Variants in SLC14A2 observed in about 807,000 individuals in gnomAD.
SLC14A2 encodes the protein urea transporter 2.
A neutral mutation model predicts 104.6 loss-of-function variants in SLC14A2; 91 were observed. The observed-to-expected ratio is 0.87, with a 90% CI of 0.73 to 1.04. The LOEUF (loss-of-function observed/expected upper bound fraction) is 1.04. Ranked by LOEUF, SLC14A2 falls within the 50% of genes least tolerant of loss-of-function variation. The pLI, the probability that SLC14A2 is intolerant of heterozygous loss-of-function variation, is 0.00. For missense variants in SLC14A2, 1,189 were observed against 1,156.0 expected (o/e 1.03, Z -0.41); for synonymous variants, 476 against 466.4 (o/e 1.02, Z -0.27).
chr18:45,451,813 C>T (rs947657157), intron 1 of SLC14A2, among the ~76,000 whole-genome samples: 2 of 152,142 alleles, frequency 1.3e-5, no homozygotes, highest in Non-Finnish European at 2.9e-5. Flanking sequence ...TATGGTTCAG[C>T]AACAAACTAT....
chr18:45,486,823 A>G (rs899361622), intron 2 of SLC14A2, among the ~76,000 whole-genome samples: 2 of 152,216 alleles, frequency 1.3e-5, no homozygotes, highest in Admixed American at 1.3e-4. Flanking sequence ...TAAATGTTGC[A>G]AAGTAGGTAA....
rs530587394 is a variant in SLC14A2 at position 45,416,984 on chromosome 18, TGTG to T, written c.-124-66246_-124-66244del. On this transcript the variant is annotated intron_variant, in intron 1 of 20. Coordinates refer to the SLC14A2 transcript ENST00000586448. ...TATGGAGCACGTGTGTGTACACACA[TGTG>T]GTACTTGTGCACATCCACACAAATC... 2.4e-3 allele frequency among the ~76,000 whole-genome samples: 361 copies of T among 152,316 alleles called. 1 individual carries two copies. Among genetic ancestry groups the T allele is most frequent in the African/African-American group, 8.2e-3 (341 of 41,576 alleles).
chr18:45,597,390 C>A (rs934476929), intron 2 of SLC14A2, among the ~76,000 whole-genome samples: 1 of 152,062 alleles, frequency 6.6e-6, no homozygotes, highest in Non-Finnish European at 1.5e-5. Flanking sequence ...GTCTTTTATC[C>A]ACCCATTCAG....
intron 1 of SLC14A2, among the ~76,000 whole-genome samples, chr18:45,221,126 C>T (rs2084058006): frequency 6.6e-6 from 1 of 152,162 alleles, no homozygotes; most frequent in South Asian, 2.1e-4. Flanking sequence ...AAGATGAGGG[C>T]ACAGTTCAGC....
chr18:45,375,016 C>A (rs2085759388), intron 1 of SLC14A2, among the ~76,000 whole-genome samples: 1 of 152,184 alleles, frequency 6.6e-6, no homozygotes, highest in African/African-American at 2.4e-5. Flanking sequence ...TAAAACCGCC[C>A]TTGCAAAATT....
At chr18:45,563,605 CT>C (rs2144316588) in intron 2 of SLC14A2, among the ~76,000 whole-genome samples, 1 of 152,270 alleles carries the variant, frequency 6.6e-6, no homozygotes, top group South Asian at 2.1e-4. Flanking sequence ...CTCTGATCAT[CT>C]CTTTAAATGA....
chr18:45,354,800 A>C (rs575560843), intron 1 of SLC14A2, among the ~76,000 whole-genome samples: 1 of 152,216 alleles, frequency 6.6e-6, no homozygotes, highest in Non-Finnish European at 1.5e-5. Flanking sequence ...TGGGTCTACT[A>C]TTCCACAAAG....
At chr18:45,480,248 A>G (rs1430754894) in intron 1 of SLC14A2, among the ~76,000 whole-genome samples, 2 of 151,946 alleles carry the variant, frequency 1.3e-5, no homozygotes, top group African/African-American at 2.4e-5. Context: ...AAATTTTTCA[A>G]TGTCTAATCC....
intron 2 of SLC14A2, among the ~76,000 whole-genome samples, chr18:45,591,797 G>A (rs1355523354): frequency 1.3e-5 from 2 of 152,214 alleles, no homozygotes; most frequent in East Asian, 1.9e-4. Context: ...GACACATGCA[G>A]AAAAAGGGAC....
At chr18:45,425,719 G>A (rs1390536556) in intron 1 of SLC14A2, among the ~76,000 whole-genome samples, 3 of 152,180 alleles carry the variant, frequency 2.0e-5, no homozygotes, top group South Asian at 4.1e-4. Context: ...TTCAGTGTCA[G>A]TCAGGCCCCT....
chr18:45,231,050 G>A (rs1189796323), intron 1 of SLC14A2, among the ~76,000 whole-genome samples: 1 of 152,076 alleles, frequency 6.6e-6, no homozygotes, highest in Non-Finnish European at 1.5e-5. Flanking sequence ...CCAGCCTCCT[G>A]GAAATGTCAA....
At chr18:45,650,682 G>A (rs905680952) in intron 10 of SLC14A2, among the ~76,000 whole-genome samples, 5 of 152,156 alleles carry the variant, frequency 3.3e-5, no homozygotes, top group Admixed American at 1.3e-4. Context: ...ATGAGGATGC[G>A]GACTGCCTGA....
At chr18:45,264,938 G>T (rs1012514415) in intron 1 of SLC14A2, among the ~76,000 whole-genome samples, 2 of 152,126 alleles carry the variant, frequency 1.3e-5, no homozygotes, top group African/African-American at 4.8e-5. Context: ...GGAGGGTTAT[G>T]TTCTAGAAAT....
chr18:45,655,994 G>T (rs185082652), intron 10 of SLC14A2, among the ~76,000 whole-genome samples: 1 of 152,214 alleles, frequency 6.6e-6, no homozygotes, highest in East Asian at 1.9e-4. Context: ...CTTATCTCTG[G>T]GCCTCAGTTT....
the SLC14A2 span, among the ~76,000 whole-genome samples, chr18:45,177,125 C>T: frequency 1.3e-5 from 2 of 152,208 alleles, no homozygotes; most frequent in African/African-American, 4.8e-5. Flanking sequence ...TGTCTCCATT[C>T]TTCCAGCACA....
At chr18:45,271,724 C>G (rs1372351387) in intron 1 of SLC14A2, among the ~76,000 whole-genome samples, 1 of 152,018 alleles carries the variant, frequency 6.6e-6, no homozygotes, top group East Asian at 1.9e-4. Context: ...TCCTTACTAC[C>G]CAAAGCAATC....
the SLC14A2 span, among the ~76,000 whole-genome samples, chr18:45,168,037 G>T: frequency 6.6e-6 from 1 of 152,184 alleles, no homozygotes; most frequent in African/African-American, 2.4e-5. Flanking sequence ...GCTCGACAGA[G>T]AGCCAGTTTG....
intron 1 of SLC14A2, among the ~76,000 whole-genome samples, chr18:45,408,720 C>A (rs999450856): frequency 1.2e-4 from 18 of 151,858 alleles, no homozygotes; most frequent in African/African-American, 4.4e-4. Context: ...GAAACTACAT[C>A]GTGAAAATTC....
rs1212821349 is a variant in SLC14A2 at position 45,637,063 on chromosome 18, A to T, written c.724A>T (p.Ile242Phe). 3.7e-6 allele frequency: 6 copies of T among 1,613,948 alleles called. No homozygotes were observed. Among genetic ancestry groups the T allele is most frequent in the African/African-American group, 1.3e-5 (1 of 74,870 alleles). Residue 242 changes from isoleucine to phenylalanine, a missense_variant, in exon 6 of 20, where the codon ATT (isoleucine) becomes TTT (phenylalanine). Ile to Phe is a conservative substitution (Grantham distance 21, BLOSUM62 0). Transcript: ENST00000255226. Reference protein sequence around the residue: ...DLPVFTLPFNIAVTLYLAATG... With the variant: ...DLPVFTLPFNFAVTLYLAATG... ...CCCGGTCTTCACTCTGCCCTTCAACATTGCAGTCACCTTGTACCTTGCAGC... is the reference window on the plus strand; with the variant it reads ...CCCGGTCTTCACTCTGCCCTTCAACTTTGCAGTCACCTTGTACCTTGCAGC...
Sources: gnomAD v4.1 joint callset for allele counts (sites outside exome capture counted in the v4.1 genomes callset) on GRCh38, gnomAD v4.1.1 for gene constraint, MANE v1.5 for transcripts, NCBI Gene and HGNC (gene_info 2026-07-23, HGNC 2026-07-21) for gene names.